Variants in GRIA3 observed in about 807,000 individuals in gnomAD.
GRIA3 encodes glutamate receptor 3.
GRIA3 carries 3 observed loss-of-function variants against 63.0 expected under a neutral mutation model. The observed-to-expected ratio is 0.05, with a 90% CI of 0.02 to 0.12. The LOEUF (loss-of-function observed/expected upper bound fraction) is 0.12. Among genes scored for constraint, GRIA3 ranks in the 10% least tolerant of loss-of-function variants. The probability of loss-of-function intolerance (pLI) is 1.00; values close to 1 mark genes in which losing one functional copy is unlikely to be tolerated. For synonymous variants in GRIA3, 274 were observed against 257.9 expected (o/e 1.06, Z -0.60); for missense variants, 347 against 700.9 (o/e 0.50, Z 5.70).
chrX:123,389,713 T>C (rs943677607), intron 5 of GRIA3, among the ~76,000 whole-genome samples: 1 of 80,867 alleles, frequency 1.2e-5, no homozygotes, highest in Non-Finnish European at 2.6e-5. Flanking sequence ...GTTGTTGTTG[T>C]TGTTGTTTTA....
intron 3 of GRIA3, among the ~76,000 whole-genome samples, chrX:123,322,777 AG>A (rs1330689351): frequency 8.9e-6 from 1 of 112,125 alleles, no homozygotes; most frequent in Admixed American, 9.5e-5. Flanking sequence ...GCATGGTAAA[AG>A]ACACTGCAGT....
chrX:123,349,774 A>G (rs1262249209), intron 4 of GRIA3, among the ~76,000 whole-genome samples: 1 of 112,509 alleles, frequency 8.9e-6, no homozygotes, highest in Admixed American at 9.5e-5. Flanking sequence ...ATGTGTGTGC[A>G]GATTAAGATT....
chrX:123,319,715 C>T (rs753254154), intron 3 of GRIA3, among the ~76,000 whole-genome samples: 1 of 109,817 alleles, frequency 9.1e-6, no homozygotes, highest in East Asian at 2.9e-4. Flanking sequence ...CCCTTCTTGC[C>T]TCTGTGTCTT....
At chrX:123,377,110 A>G (rs912323478) in intron 5 of GRIA3, among the ~76,000 whole-genome samples, 2 of 108,624 alleles carry the variant, frequency 1.8e-5, no homozygotes, top group South Asian at 4.0e-4. Context: ...AATTTTTTTT[A>G]TATTTTTAGT....
At chrX:123,345,786 G>C (rs2045045141) in intron 4 of GRIA3, among the ~76,000 whole-genome samples, 1 of 110,506 alleles carries the variant, frequency 9.0e-6, no homozygotes, top group African/African-American at 3.3e-5. Flanking sequence ...TCCCACAGCA[G>C]CAGGAAACCT....
At chrX:123,232,439 G>C (rs1369144887) in intron 2 of GRIA3, among the ~76,000 whole-genome samples, 2 of 111,663 alleles carry the variant, frequency 1.8e-5, no homozygotes, top group Non-Finnish European at 3.8e-5. Context: ...GTTGCCAGGG[G>C]ATAAGGGAAG....
chrX:123,456,689 G>A (rs190275280), intron 12 of GRIA3, among the ~76,000 whole-genome samples: 166 of 111,581 alleles, frequency 1.5e-3, no homozygotes, highest in African/African-American at 5.1e-3. Context: ...GGAAAAGAGG[G>A]GGAGGTCAGG....
intron 4 of GRIA3, among the ~76,000 whole-genome samples, chrX:123,335,156 C>T (rs145574315): frequency 9.0e-4 from 100 of 110,943 alleles, no homozygotes; most frequent in African/African-American, 3.2e-3. Context: ...CTCTTACACA[C>T]CTCAACATCA....
intron 3 of GRIA3, among the ~76,000 whole-genome samples, chrX:123,303,478 C>T (rs2044736034): frequency 9.0e-6 from 1 of 111,216 alleles, no homozygotes; most frequent in South Asian, 3.8e-4. Flanking sequence ...ATAAGCTTCA[C>T]TATGTAAACA....
chrX:123,199,679 G>A (rs1433929039), intron 2 of GRIA3, among the ~76,000 whole-genome samples: 1 of 111,555 alleles, frequency 9.0e-6, no homozygotes, highest in Admixed American at 9.6e-5. Flanking sequence ...ACATAAAAAT[G>A]ACAACACTGT....
intron 13 of GRIA3, among the ~76,000 whole-genome samples, chrX:123,479,002 G>T (rs1325168473): frequency 2.7e-5 from 3 of 112,871 alleles, no homozygotes; most frequent in African/African-American, 9.6e-5. Flanking sequence ...AAATTTATAA[G>T]GGAGAAAATC....
intron 12 of GRIA3, among the ~76,000 whole-genome samples, chrX:123,449,933 G>A (rs2045722028): frequency 1.8e-5 from 2 of 111,698 alleles, no homozygotes; most frequent in Admixed American, 9.5e-5. Context: ...GACCTATCTT[G>A]ATTCTTCTTC....
At chrX:123,267,507 T>C (rs1603058063) in intron 3 of GRIA3, among the ~76,000 whole-genome samples, 1 of 112,157 alleles carries the variant, frequency 8.9e-6, no homozygotes, top group East Asian at 2.8e-4. Flanking sequence ...CGCTATTTCA[T>C]ATAAATCAAT....
chrX:123,248,994 T>C (rs1359550149), intron 2 of GRIA3, among the ~76,000 whole-genome samples: 1 of 111,901 alleles, frequency 8.9e-6, no homozygotes, highest in Non-Finnish European at 1.9e-5. Context: ...GAGCCATCTA[T>C]GCTACCTTGT....
At chrX:123,463,615 A>AG (rs2045809913) in intron 12 of GRIA3, among the ~76,000 whole-genome samples, 16 of 11,434 alleles carry the variant, frequency 1.4e-3, no homozygotes, top group East Asian at 0.01. Context: ...AGGGAGGGAA[A>AG]GAAAGAAAGA....
intron 13 of GRIA3, among the ~76,000 whole-genome samples, chrX:123,478,940 G>C (rs966199675): frequency 8.9e-6 from 1 of 112,765 alleles, no homozygotes; most frequent in African/African-American, 3.2e-5. Flanking sequence ...AAATCTAATA[G>C]CTCTAGAAAG....
intron 13 of GRIA3, among the ~76,000 whole-genome samples, chrX:123,469,859 T>C (rs1345017232): frequency 8.9e-6 from 1 of 112,001 alleles, no homozygotes; most frequent in Admixed American, 9.5e-5. Context: ...AAAGTTTATG[T>C]TCTTATCCAC....
chrX:123,449,392 A>G lies in GRIA3; in HGVS notation c.2077-15473A>G, dbSNP rs371298764. On this transcript the variant is annotated intron_variant, in intron 12 of 15. Transcript: ENST00000620443. ...TATGGAGACCATTGCCTTGACCCCA[A>G]TGGTAAAGATTAGTGGAACCTAATC... 3.6e-5 allele frequency among the ~76,000 whole-genome samples: 4 copies of G among 112,406 alleles called. No homozygotes were observed. In the East Asian group the frequency reaches 8.4e-4, roughly 24 times the overall value.
rs1463660345 is a variant in GRIA3, at chrX:123,369,074, TA to T, written c.750+14112del. 4.5e-5 allele frequency among the ~76,000 whole-genome samples: 5 copies of T among 111,623 alleles called. No individual in the cohort carries two copies. In the East Asian group the frequency reaches 1.1e-3, roughly 25 times the overall value. ...GCAAAAAGGAGCCACTAACTTTTAA[TA>T]TCTCCCACCCTTCCACTCTCTCCTC... On this transcript the variant is annotated intron_variant, in intron 5 of 15. Transcript: ENST00000620443.
Sources: allele counts gnomAD v4.1 joint callset (sites outside exome capture counted in the v4.1 genomes callset), GRCh38; gene constraint gnomAD v4.1.1; transcripts MANE v1.5; gene names NCBI Gene and HGNC (gene_info 2026-07-23, HGNC 2026-07-21).